The following ERC1 variants were observed in gnomAD, a reference collection of about 807,000 sequenced individuals.
ERC1 encodes RAB6 interacting protein 2.
In ERC1, 56 loss-of-function variants were observed where a neutral mutation model predicts 132.0. The ratio of observed to expected loss-of-function variants is 0.42; its 90% CI spans 0.34 to 0.53. ERC1 has a LOEUF of 0.53. ERC1 is among the 20% of genes least tolerant of loss of function. ERC1 has a pLI of 0.03. For synonymous variants in ERC1, 478 were observed against 476.1 expected (o/e 1.00, Z -0.05); for missense variants, 1,202 against 1,349.9 (o/e 0.89, Z 1.72).
chr12:1,211,268 C>T (rs776290395), intron 12 of ERC1, among the ~76,000 whole-genome samples: 9 of 152,120 alleles, frequency 5.9e-5, no homozygotes, highest in African/African-American at 2.2e-4. Flanking sequence ...CCTGCCTCAG[C>T]CTCTGGAGTA....
intron 16 of ERC1, among the ~76,000 whole-genome samples, chr12:1,403,558 G>A (rs2091246758): frequency 1.3e-5 from 2 of 152,110 alleles, no homozygotes; most frequent in Admixed American, 6.5e-5. Flanking sequence ...ACTAAACTTT[G>A]ATCATCTTCG....
rs548256093 is a variant in ERC1, at chr12:1,181,065, G to A, written c.1875+388G>A. On this transcript the variant is annotated intron_variant, in intron 9 of 18. Transcript: ENST00000360905. ...TGACCTCAAGTGATCCACCCACCTC[G>A]GCCTCCCAAAGTGTTGGGATTACAG... Among the ~76,000 whole-genome samples the A allele has an allele frequency of 1.9e-3, 294 of 152,128 alleles. 2 individuals carry two copies. The highest frequency in any genetic ancestry group is 4.7e-3 in the African/African-American group (194 of 41,482).
chr12:1,346,970 T>G (rs1159720140), intron 15 of ERC1, among the ~76,000 whole-genome samples: 2 of 126,732 alleles, frequency 1.6e-5, no homozygotes, highest in South Asian at 2.5e-4. Context: ...AAGAGAGAGA[T>G]GATGGTTTTC....
intron 16 of ERC1, among the ~76,000 whole-genome samples, chr12:1,398,059 C>G (rs1359222094): frequency 6.6e-6 from 1 of 152,220 alleles, no homozygotes; most frequent in African/African-American, 2.4e-5. Context: ...TCACCACTCA[C>G]TGCAGCCTCA....
At chr12:1,234,452 A>G (rs754485395) in intron 12 of ERC1, among the ~76,000 whole-genome samples, 3 of 152,224 alleles carry the variant, frequency 2.0e-5, no homozygotes, top group Admixed American at 6.5e-5. Flanking sequence ...CATCTGTAGT[A>G]TGTTAATGAA....
chr12:1,113,756 C>T (rs576852157), intron 6 of ERC1, among the ~76,000 whole-genome samples: 22 of 152,194 alleles, frequency 1.4e-4, no homozygotes, highest in Non-Finnish European at 2.9e-4. Flanking sequence ...AGTCAGACAA[C>T]AGGCTAAGCA....
At chr12:1,472,354 A>G (rs1001408131) in intron 18 of ERC1, among the ~76,000 whole-genome samples, 7 of 152,180 alleles carry the variant, frequency 4.6e-5, no homozygotes, top group African/African-American at 1.4e-4. Flanking sequence ...ATGACCTAAC[A>G]TTAAAAAATC....
In ERC1 at chr12:993,747, T is replaced by A. The variant is rs375589539; in HGVS notation, c.-157+2425T>A. 2.6e-4 allele frequency among the ~76,000 whole-genome samples: 39 copies of A among 151,988 alleles called. No individual in the cohort carries two copies. In the East Asian group the frequency reaches 4.1e-3, roughly 16 times the overall value. On this transcript the variant is annotated intron_variant, in intron 1 of 18. Transcript: ENST00000360905. Reference sequence around the variant, plus strand: ...TGAAACCCTGTCTCTACTAAAAATATAAGAATTAGCTGGGCGTGGTGGCAC... The same window carrying A: ...TGAAACCCTGTCTCTACTAAAAATAAAAGAATTAGCTGGGCGTGGTGGCAC...
intron 16 of ERC1, among the ~76,000 whole-genome samples, chr12:1,372,858 G>A (rs980184169): frequency 6.6e-6 from 1 of 152,138 alleles, no homozygotes; most frequent in African/African-American, 2.4e-5. Flanking sequence ...TCTATTTTTG[G>A]AGGTCAGTCA....
intron 15 of ERC1, among the ~76,000 whole-genome samples, chr12:1,308,673 A>T (rs2081064372): frequency 6.6e-6 from 1 of 152,248 alleles, no homozygotes; most frequent in Non-Finnish European, 1.5e-5. Context: ...AAAATATTTT[A>T]ATTTCTTATT....
intron 12 of ERC1, among the ~76,000 whole-genome samples, chr12:1,208,789 T>G (rs114413380): frequency 0.014 from 2,067 of 152,110 alleles, 60 homozygotes; most frequent in African/African-American, 0.047. Context: ...AATTGTTTTT[T>G]TGTTTTGTTT....
intron 2 of ERC1, among the ~76,000 whole-genome samples, chr12:1,029,504 G>T (rs547208258): frequency 6.6e-6 from 1 of 152,272 alleles, no homozygotes; most frequent in East Asian, 1.9e-4. Flanking sequence ...AGGCAACTTG[G>T]TGTGATTGTT....
chr12:1,361,344 C>A (rs897988944), intron 15 of ERC1, among the ~76,000 whole-genome samples: 4 of 151,582 alleles, frequency 2.6e-5, no homozygotes, highest in African/African-American at 9.7e-5. Flanking sequence ...ACCAACAGGG[C>A]ACATGTATAC....
At chr12:1,269,874 C>T (rs2077711796) in intron 14 of ERC1, among the ~76,000 whole-genome samples, 1 of 152,200 alleles carries the variant, frequency 6.6e-6, no homozygotes, top group South Asian at 2.1e-4. Context: ...CTGACTCTTA[C>T]TATCCTCTAT....
intron 2 of ERC1, among the ~76,000 whole-genome samples, chr12:1,060,500 A>G (rs1324068928): frequency 1.3e-5 from 2 of 152,178 alleles, no homozygotes; most frequent in Non-Finnish European, 2.9e-5. Flanking sequence ...TACAAAGGAC[A>G]TGAACTCATC....
At chr12:1,290,524 T>C (rs918894924) in intron 15 of ERC1, among the ~76,000 whole-genome samples, 17 of 152,218 alleles carry the variant, frequency 1.1e-4, no homozygotes, top group African/African-American at 4.1e-4. Context: ...ATACACATTT[T>C]CCTGCTTCCC....
At chr12:1,468,739 C>T (rs750830475) in intron 18 of ERC1, among the ~76,000 whole-genome samples, 18 of 152,290 alleles carry the variant, frequency 1.2e-4, no homozygotes, top group Non-Finnish European at 2.4e-4. Context: ...CAGGGATGAG[C>T]TGTATTTAGC....
intron 12 of ERC1, among the ~76,000 whole-genome samples, chr12:1,217,018 T>A (rs546553532): frequency 6.6e-6 from 1 of 152,356 alleles, no homozygotes; most frequent in Admixed American, 6.5e-5. Flanking sequence ...ATAAAAATTA[T>A]GATAATGCTT....
intron 3 of ERC1, among the ~76,000 whole-genome samples, chr12:1,096,535 C>T (rs773868582): frequency 3.9e-5 from 6 of 152,132 alleles, no homozygotes; most frequent in Non-Finnish European, 8.8e-5. Flanking sequence ...TGTGCCCAGT[C>T]AATCACCTTG....
Sources: allele counts gnomAD v4.1 joint callset (sites outside exome capture counted in the v4.1 genomes callset), GRCh38; gene constraint gnomAD v4.1.1; transcripts MANE v1.5; gene names NCBI Gene and HGNC (gene_info 2026-07-23, HGNC 2026-07-21).